Variants in LINGO2 observed in about 807,000 individuals in gnomAD.
LINGO2 encodes leucine rich repeat and Ig domain containing 2, also known as leucine-rich repeat and immunoglobulin-like domain-containing nogo receptor-interacting protein 2.
A neutral mutation model predicts 30.6 loss-of-function variants in LINGO2; 14 were observed. The ratio of observed to expected loss-of-function variants is 0.46; its 90% CI spans 0.30 to 0.72. LINGO2 has a LOEUF of 0.72. LINGO2 is among the 30% of genes least tolerant of loss of function. The pLI is 0.07. For synonymous variants in LINGO2, 317 were observed against 288.5 expected (o/e 1.10, Z -1.00); for missense variants, 729 against 751.7 (o/e 0.97, Z 0.35).
intron 1 of LINGO2, among the ~76,000 whole-genome samples, chr9:28,657,774 A>G (rs1828418232): frequency 6.6e-6 from 1 of 151,390 alleles, no homozygotes; most frequent in South Asian, 2.1e-4. Flanking sequence ...AATATTTATT[A>G]TTTTCTTACT....
At chr9:28,843,565 G>C in the LINGO2 span, among the ~76,000 whole-genome samples, 1 of 151,712 alleles carries the variant, frequency 6.6e-6, no homozygotes, top group African/African-American at 2.4e-5. Flanking sequence ...ATCCGCATGA[G>C]GCAGAGTGTT....
the LINGO2 span, among the ~76,000 whole-genome samples, chr9:29,047,429 T>C: frequency 2.6e-5 from 4 of 152,124 alleles, no homozygotes; most frequent in Admixed American, 2.0e-4. Context: ...TGCTAATACA[T>C]TGTTGGTGGG....
At chr9:28,651,074 C>T (rs1828081040) in intron 1 of LINGO2, among the ~76,000 whole-genome samples, 1 of 151,746 alleles carries the variant, frequency 6.6e-6, no homozygotes, top group Non-Finnish European at 1.5e-5. Flanking sequence ...ACCTGTAATC[C>T]CAGCTTCTCG....
chr9:28,959,645 CAG>C, the LINGO2 span, among the ~76,000 whole-genome samples: 26 of 150,026 alleles, frequency 1.7e-4, no homozygotes, highest in Middle Eastern at 3.5e-3. Context: ...CACACACACA[CAG>C]AGAACAATGA....
chr9:28,086,582 T>G (rs1315628615), intron 4 of LINGO2, among the ~76,000 whole-genome samples: 1 of 152,038 alleles, frequency 6.6e-6, no homozygotes, highest in African/African-American at 2.4e-5. Flanking sequence ...TTAAAGCTAA[T>G]TTGGGCGTAC....
intron 4 of LINGO2, among the ~76,000 whole-genome samples, chr9:28,138,830 C>A (rs765648405): frequency 6.6e-6 from 1 of 152,084 alleles, no homozygotes; most frequent in African/African-American, 2.4e-5. Context: ...ATTGAAGTTC[C>A]ACAACGCAAG....
At chr9:28,691,322 T>C in the LINGO2 span, among the ~76,000 whole-genome samples, 1 of 152,168 alleles carries the variant, frequency 6.6e-6, no homozygotes, top group Non-Finnish European at 1.5e-5. Flanking sequence ...TCACAAACTT[T>C]ATTTTCCTGC....
At chr9:28,884,835 T>C in the LINGO2 span, among the ~76,000 whole-genome samples, 1 of 138,602 alleles carries the variant, frequency 7.2e-6, no homozygotes, top group African/African-American at 2.7e-5. Context: ...TCTTTAGCAA[T>C]TGTATATATA....
the LINGO2 span, among the ~76,000 whole-genome samples, chr9:29,208,290 T>C: frequency 6.6e-6 from 1 of 152,060 alleles, no homozygotes; most frequent in Non-Finnish European, 1.5e-5. Context: ...ACTGAGACTT[T>C]ATTATTAAAT....
intron 2 of LINGO2, among the ~76,000 whole-genome samples, chr9:28,391,417 G>C (rs867869168): frequency 2.4e-4 from 37 of 152,226 alleles, no homozygotes; most frequent in African/African-American, 7.5e-4. Context: ...GCTCTTACGG[G>C]TTCATCAGAT....
chr9:28,640,077 T>C (rs1827497441), intron 1 of LINGO2, among the ~76,000 whole-genome samples: 1 of 152,268 alleles, frequency 6.6e-6, no homozygotes, highest in East Asian at 1.9e-4. Context: ...CCTTCACTTA[T>C]GAAGCTTAGT....
At chr9:28,174,404 T>C (rs1427648062) in intron 4 of LINGO2, among the ~76,000 whole-genome samples, 3 of 152,116 alleles carry the variant, frequency 2.0e-5, no homozygotes, top group African/African-American at 7.2e-5. Flanking sequence ...TTGCACATGC[T>C]CTTCTTTCCT....
chr9:29,197,497 A>G, the LINGO2 span, among the ~76,000 whole-genome samples: 5,028 of 152,118 alleles, frequency 0.033, 262 homozygotes, highest in African/African-American at 0.11. Context: ...TAATAATAAT[A>G]GATAATATTT....
chr9:28,383,979 C>A (rs1331233074), intron 2 of LINGO2, among the ~76,000 whole-genome samples: 2 of 151,832 alleles, frequency 1.3e-5, no homozygotes, highest in Non-Finnish European at 2.9e-5. Context: ...GGCTTGAGGG[C>A]AGGATTACAG....
At chr9:28,436,746 C>A (rs890978252) in intron 2 of LINGO2, among the ~76,000 whole-genome samples, 4 of 152,204 alleles carry the variant, frequency 2.6e-5, no homozygotes, top group Admixed American at 6.5e-5. Flanking sequence ...CATAAGCCAC[C>A]GCGCCCGGCC....
At chr9:29,021,329 C>T in the LINGO2 span, among the ~76,000 whole-genome samples, 1 of 152,082 alleles carries the variant, frequency 6.6e-6, no homozygotes, top group African/African-American at 2.4e-5. Flanking sequence ...TCAGGGAATA[C>T]GGCACTAACT....
chr9:29,063,190 T>G, the LINGO2 span, among the ~76,000 whole-genome samples: 9 of 152,246 alleles, frequency 5.9e-5, no homozygotes, highest in East Asian at 1.7e-3. Context: ...TGAGAACCTG[T>G]GAACATGAAA....
the LINGO2 span, among the ~76,000 whole-genome samples, chr9:28,703,662 G>T: frequency 2.0e-5 from 3 of 151,788 alleles, no homozygotes; most frequent in African/African-American, 7.2e-5. Context: ...TTTTCTGCCT[G>T]CTGGGTCTGT....
At chr9:28,790,325 C>CTTTTTTTTTTTTTTTTTTTTTT in the LINGO2 span, among the ~76,000 whole-genome samples, 70 of 106,270 alleles carry the variant, frequency 6.6e-4, no homozygotes, top group South Asian at 1.9e-3. Context: ...TCTTTTCTTT[C>CTTTTTTTTTTTTTTTTTTTTTT]TTTTTTTTTT....
Sources: gnomAD v4.1 joint callset for allele counts (sites outside exome capture counted in the v4.1 genomes callset) on GRCh38, gnomAD v4.1.1 for gene constraint, MANE v1.5 for transcripts, NCBI Gene and HGNC (gene_info 2026-07-23, HGNC 2026-07-21) for gene names.